NALF1: variants seen among roughly 807,000 people sequenced by gnomAD.
NALF1 encodes the protein NALCN channel auxiliary factor 1.
A neutral mutation model predicts 48.4 loss-of-function variants in NALF1; 3 were observed. The ratio of observed to expected loss-of-function variants is 0.06; its 90% confidence interval spans 0.03 to 0.16. The LOEUF (loss-of-function observed/expected upper bound fraction) is 0.16. Among genes scored for constraint, NALF1 ranks in the 10% least tolerant of loss-of-function variants. The pLI, the probability that NALF1 is intolerant of heterozygous loss-of-function variation, is 1.00. For synonymous variants in NALF1, 262 were observed against 245.7 expected, an observed-to-expected ratio of 1.07 and a Z score of -0.62; for missense variants, 526 against 571.5, an observed-to-expected ratio of 0.92 and a Z score of 0.81.
chr13:107,315,432 T>C (rs1882127624), intron 1 of NALF1, among the ~76,000 whole-genome samples: 3 of 152,158 alleles, frequency 2.0e-5, no homozygotes. Flanking sequence ...GTTGCATGTG[T>C]AGCTTTCTCT....
intron 1 of NALF1, among the ~76,000 whole-genome samples, chr13:107,595,584 A>T (rs1878722028): frequency 6.6e-6 from 1 of 152,186 alleles, no homozygotes; most frequent in African/African-American, 2.4e-5. Context: ...TCATTTTTAT[A>T]TAAGCAAGAA....
At chr13:107,395,743 C>A (rs559903479) in intron 1 of NALF1, among the ~76,000 whole-genome samples, 1 of 152,188 alleles carries the variant, frequency 6.6e-6, no homozygotes, top group East Asian at 1.9e-4. Context: ...GAGTTGGTTT[C>A]TTCTCAGGCT....
In NALF1 at chr13:107,769,523, C is replaced by A. The variant is rs1256954782; in HGVS notation, c.915+96159G>T. On this transcript the variant is annotated intron_variant, in intron 1 of 2. Transcript: ENST00000375915. ...CATGGACACAGGAAGGGGAATATCGCACTCTGGGAACTGTTGTGGGGTGGG... is the reference window on the plus strand; with the variant it reads ...CATGGACACAGGAAGGGGAATATCGAACTCTGGGAACTGTTGTGGGGTGGG... 4.1e-5 allele frequency among the ~76,000 whole-genome samples: 5 copies of A among 121,858 alleles called. No homozygotes were observed. The Admixed American group carries it at 5.6e-4, about 14-fold the overall frequency. 79.9% of individuals were successfully genotyped at this position (121,858 alleles called of 152,430 possible). A position where few individuals can be genotyped will look rare whatever the true frequency, so the allele number is the denominator to read the frequency against.
chr13:107,416,165 C>G (rs1884084533), intron 1 of NALF1, among the ~76,000 whole-genome samples: 1 of 131,542 alleles, frequency 7.6e-6, no homozygotes, highest in African/African-American at 3.0e-5. Context: ...CACCACCATG[C>G]CCGGCTAAAT....
intron 1 of NALF1, among the ~76,000 whole-genome samples, chr13:107,523,881 A>G (rs1390882183): frequency 6.6e-6 from 1 of 152,160 alleles, no homozygotes; most frequent in Non-Finnish European, 1.5e-5. Context: ...CTATGTTATA[A>G]CCTCTTATTT....
At chr13:107,237,314 C>T (rs929539845) in intron 1 of NALF1, among the ~76,000 whole-genome samples, 3 of 152,070 alleles carry the variant, frequency 2.0e-5, no homozygotes, top group South Asian at 2.1e-4. Flanking sequence ...TAACGTAGAA[C>T]ATTAAAGAAC....
At chr13:107,495,451 G>A (rs757215500) in intron 1 of NALF1, among the ~76,000 whole-genome samples, 3 of 152,146 alleles carry the variant, frequency 2.0e-5, no homozygotes, top group Non-Finnish European at 2.9e-5. Flanking sequence ...GACTCTGCTA[G>A]TTTATCTGCA....
chr13:107,378,975 T>C (rs1302634168), intron 1 of NALF1, among the ~76,000 whole-genome samples: 1 of 152,186 alleles, frequency 6.6e-6, no homozygotes, highest in Non-Finnish European at 1.5e-5. Flanking sequence ...TAAGATCTCA[T>C]TAATTTGGAC....
chr13:107,206,495 T>C (rs1380652077), intron 2 of NALF1, among the ~76,000 whole-genome samples: 1 of 152,210 alleles, frequency 6.6e-6, no homozygotes, highest in Non-Finnish European at 1.5e-5. Flanking sequence ...TGGTACATGG[T>C]GATGTGAGCA....
At chr13:107,178,851 A>G (rs1213647931) in intron 2 of NALF1, among the ~76,000 whole-genome samples, 1 of 152,068 alleles carries the variant, frequency 6.6e-6, no homozygotes, top group Non-Finnish European at 1.5e-5. Context: ...AGGCTGAGTC[A>G]GGAGAATGGC....
chr13:107,487,517 T>C (rs1466764316), intron 1 of NALF1, among the ~76,000 whole-genome samples: 5 of 152,312 alleles, frequency 3.3e-5, no homozygotes, highest in Non-Finnish European at 5.9e-5. Context: ...GGAGTGGACA[T>C]GTGTATCCAC....
At chr13:107,790,799 C>T (rs1878208937) in intron 1 of NALF1, among the ~76,000 whole-genome samples, 1 of 152,006 alleles carries the variant, frequency 6.6e-6, no homozygotes, top group Non-Finnish European at 1.5e-5. Flanking sequence ...AGGTTAGGGC[C>T]TTATTTTAGA....
intron 1 of NALF1, among the ~76,000 whole-genome samples, chr13:107,415,415 T>G (rs1454959210): frequency 6.6e-6 from 1 of 152,018 alleles, no homozygotes; most frequent in East Asian, 1.9e-4. Flanking sequence ...AAACAGACTT[T>G]TCTGCTTGAA....
chr13:107,850,513 T>C (rs1204611588), intron 1 of NALF1, among the ~76,000 whole-genome samples: 1 of 152,214 alleles, frequency 6.6e-6, no homozygotes, highest in Admixed American at 6.5e-5. Context: ...GGATTCAGTT[T>C]CTTCCAGTAA....
intron 1 of NALF1, among the ~76,000 whole-genome samples, chr13:107,462,889 A>G (rs1436945977): frequency 6.6e-6 from 1 of 152,180 alleles, no homozygotes; most frequent in Non-Finnish European, 1.5e-5. Flanking sequence ...TTTAATCTGT[A>G]TATTTTAACT....
intron 1 of NALF1, among the ~76,000 whole-genome samples, chr13:107,351,013 A>T (rs753115703): frequency 2.0e-5 from 3 of 152,222 alleles, no homozygotes; most frequent in Non-Finnish European, 4.4e-5. Context: ...TGCTAAAAGG[A>T]GACATCGTTG....
At chr13:107,293,772 C>T (rs1009032455) in intron 1 of NALF1, among the ~76,000 whole-genome samples, 3 of 152,170 alleles carry the variant, frequency 2.0e-5, no homozygotes, top group East Asian at 1.9e-4. Context: ...CAAGAAGTAC[C>T]TTCCATTGTT....
chr13:107,525,965 C>T (rs1406018881), intron 1 of NALF1, among the ~76,000 whole-genome samples: 1 of 151,964 alleles, frequency 6.6e-6, no homozygotes, highest in Non-Finnish European at 1.5e-5. Context: ...ATGTTTTCTT[C>T]TCATTTTTTA....
chr13:107,446,172 T>A (rs181713929), intron 1 of NALF1, among the ~76,000 whole-genome samples: 1 of 152,218 alleles, frequency 6.6e-6, no homozygotes, highest in East Asian at 1.9e-4. Flanking sequence ...CTCTTGACCT[T>A]GTGATCTGCC....
Sources: allele counts gnomAD v4.1 joint callset (sites outside exome capture counted in the v4.1 genomes callset), GRCh38; gene constraint gnomAD v4.1.1; transcripts MANE v1.5; gene names NCBI Gene and HGNC (gene_info 2026-07-23, HGNC 2026-07-21).